The following DMD variants were observed in gnomAD, a reference collection of about 807,000 sequenced individuals.
DMD encodes the protein dystrophin, also known as mutant dystrophin.
Under a neutral mutation model 330.1 loss-of-function variants are expected in DMD, and 63 were observed. That is an observed-to-expected ratio of 0.19 (90% CI 0.16 to 0.24). The LOEUF (loss-of-function observed/expected upper bound fraction) is 0.24, where lower values mean the gene tolerates loss of function less well. Among genes scored for constraint, DMD ranks in the 10% least tolerant of loss-of-function variants. The pLI is 1.00. For synonymous variants in DMD, 1,223 were observed against 959.8 expected, an observed-to-expected ratio of 1.27 and a Z score of -5.07; for missense variants, 3,344 against 2,684.1, an observed-to-expected ratio of 1.25 and a Z score of -5.43.
chrX:32,409,633 T>C (rs769476231), intron 30 of DMD, among the ~76,000 whole-genome samples: 2 of 111,978 alleles, frequency 1.8e-5, no homozygotes, highest in South Asian at 7.4e-4. Flanking sequence ...CATAATTTCA[T>C]TCCGCAAGTC....
At chrX:33,194,427 T>C (rs2050815835) in intron 1 of DMD, among the ~76,000 whole-genome samples, 2 of 110,679 alleles carry the variant, frequency 1.8e-5, no homozygotes, top group African/African-American at 6.6e-5. Context: ...TTGGGTTATA[T>C]GATCTAATTT....
chrX:31,706,128 T>C (rs72625601), intron 52 of DMD, among the ~76,000 whole-genome samples: 1,777 of 99,177 alleles, frequency 0.018, 21 homozygotes, highest in East Asian at 0.036. Context: ...GAAATGCTTG[T>C]AGAGTTTATT....
At chrX:32,025,153 T>C (rs1425383405) in intron 44 of DMD, among the ~76,000 whole-genome samples, 1 of 111,595 alleles carries the variant, frequency 9.0e-6, no homozygotes, top group African/African-American at 3.3e-5. Context: ...ACAAAGAACA[T>C]GTATAAGGAT....
chrX:32,987,476 G>T (rs1256319915), intron 2 of DMD, among the ~76,000 whole-genome samples: 1 of 111,664 alleles, frequency 9.0e-6, no homozygotes, highest in Non-Finnish European at 1.9e-5. Flanking sequence ...AACAGAGGCA[G>T]ATTCAGCAAA....
At chrX:32,096,831 A>G (rs1017788458) in intron 44 of DMD, among the ~76,000 whole-genome samples, 1 of 111,774 alleles carries the variant, frequency 8.9e-6, no homozygotes, top group Non-Finnish European at 1.9e-5. Context: ...AGACTTTAGC[A>G]TGAGTCCAGA....
At chrX:32,659,982 A>C (rs969702995) in intron 9 of DMD, among the ~76,000 whole-genome samples, 2 of 110,735 alleles carry the variant, frequency 1.8e-5, no homozygotes, top group Non-Finnish European at 3.8e-5. Flanking sequence ...TGCCTCAAGG[A>C]AAGTAATAAA....
intron 51 of DMD, among the ~76,000 whole-genome samples, chrX:31,766,626 G>A (rs1231857164): frequency 8.9e-6 from 1 of 111,848 alleles, no homozygotes. Flanking sequence ...GTATTTTATG[G>A]AAAACACAGT....
chrX:32,805,158 ACTC>A (rs1165774205), intron 7 of DMD, among the ~76,000 whole-genome samples: 1 of 111,508 alleles, frequency 9.0e-6, no homozygotes, highest in Non-Finnish European at 1.9e-5. Context: ...TGGGTAATAA[ACTC>A]CTCCAAGCTA....
intron 12 of DMD, among the ~76,000 whole-genome samples, chrX:32,612,914 T>TA (rs1472871149): frequency 2.7e-5 from 3 of 110,569 alleles, no homozygotes; most frequent in Admixed American, 9.7e-5. Flanking sequence ...TCATTAAACT[T>TA]AAAAAAAACT....
intron 63 of DMD, among the ~76,000 whole-genome samples, chrX:31,247,159 T>C (rs1766205583): frequency 8.9e-6 from 1 of 111,927 alleles, no homozygotes; most frequent in African/African-American, 3.3e-5. Flanking sequence ...GATTCACGTT[T>C]TCATGCCCGC....
At chrX:31,880,754 C>T (rs1366396726) in intron 47 of DMD, among the ~76,000 whole-genome samples, 1 of 112,277 alleles carries the variant, frequency 8.9e-6, no homozygotes, top group Non-Finnish European at 1.9e-5. Flanking sequence ...ATGAATTACT[C>T]TCACGTTTGT....
At chrX:32,604,339 A>G (rs2056493407) in intron 12 of DMD, among the ~76,000 whole-genome samples, 1 of 110,762 alleles carries the variant, frequency 9.0e-6, no homozygotes, top group Non-Finnish European at 1.9e-5. Context: ...GGCATTTGAT[A>G]AAATCCAGCC....
chrX:32,244,221 T>C (rs1190743403), intron 43 of DMD, among the ~76,000 whole-genome samples: 1 of 105,834 alleles, frequency 9.4e-6, no homozygotes, highest in Non-Finnish European at 1.9e-5. Flanking sequence ...TTTGGTTTTT[T>C]GTTCTTGCGA....
At chrX:33,163,349 C>T (rs2048863934) in intron 1 of DMD, among the ~76,000 whole-genome samples, 1 of 108,785 alleles carries the variant, frequency 9.2e-6, no homozygotes, top group South Asian at 4.0e-4. Context: ...CCAGCCTGGC[C>T]AACATGGTGA....
chrX:32,281,863 ATACTCT>A (rs760291118), intron 43 of DMD, among the ~76,000 whole-genome samples: 1 of 111,857 alleles, frequency 8.9e-6, no homozygotes, highest in Admixed American at 9.6e-5. Flanking sequence ...ATAGAAATAA[ATACTCT>A]TAGTCTCATG....
chrX:31,130,333 TTATAG>T (rs1248822628), intron 77 of DMD, among the ~76,000 whole-genome samples: 7 of 112,112 alleles, frequency 6.2e-5, no homozygotes, highest in African/African-American at 1.9e-4. Flanking sequence ...AGAGAGTACC[TTATAG>T]TAAAGTAGAT....
At chrX:31,268,189 C>A (rs1272236547) in intron 62 of DMD, among the ~76,000 whole-genome samples, 1 of 112,013 alleles carries the variant, frequency 8.9e-6, no homozygotes, top group Non-Finnish European at 1.9e-5. Context: ...CCATATCCGG[C>A]TTCTTTTGAA....
rs776228505 is a variant in DMD at position 32,320,362 on chromosome X, C to T, written c.5923-10086G>A. Among the ~76,000 whole-genome samples the T allele has an allele frequency of 4.5e-5, 5 of 111,342 alleles. No homozygotes were observed. The South Asian group carries it at 1.1e-3, about 25-fold the overall frequency. On this transcript the variant is annotated intron_variant, in intron 41 of 78. Transcript: ENST00000357033. Reference sequence around the variant, plus strand: ...AAAGATGCATATAATTACACTATCCCGTATGGTAGTCATTAGCTACACTTG... The same window carrying T: ...AAAGATGCATATAATTACACTATCCTGTATGGTAGTCATTAGCTACACTTG...
intron 63 of DMD, among the ~76,000 whole-genome samples, chrX:31,247,781 T>C (rs1170501764): frequency 9.0e-6 from 1 of 111,060 alleles, no homozygotes; most frequent in Non-Finnish European, 1.9e-5. Flanking sequence ...GCAGATGTAG[T>C]GGAAACAGGA....
Sources: allele counts gnomAD v4.1 joint callset (sites outside exome capture counted in the v4.1 genomes callset), GRCh38; gene constraint gnomAD v4.1.1; transcripts MANE v1.5; gene names NCBI Gene and HGNC (gene_info 2026-07-23, HGNC 2026-07-21).